The following DNAL4 variants were observed in gnomAD, a reference collection of about 807,000 sequenced individuals.
DNAL4 encodes the protein dynein light chain, outer arm 4.
Under a neutral mutation model 12.6 loss-of-function variants are expected in DNAL4, and 10 were observed. The ratio of observed to expected loss-of-function variants is 0.79; its 90% CI spans 0.49 to 1.34. The LOEUF is 1.34. Among genes scored for constraint, DNAL4 ranks in the 40% most tolerant of loss-of-function variants. DNAL4 has a pLI of 0.00. For missense variants in DNAL4, 128 were observed against 138.1 expected, an observed-to-expected ratio of 0.93 and a Z score of 0.37; for synonymous variants, 46 against 53.1, an observed-to-expected ratio of 0.87 and a Z score of 0.58.
intron 1 of DNAL4, among the ~76,000 whole-genome samples, chr22:38,791,046 A>G (rs1206671833): frequency 6.6e-6 from 1 of 151,950 alleles, no homozygotes; most frequent in African/African-American, 2.4e-5. Flanking sequence ...GCGCGCCTGT[A>G]ATCCCAGCTA....
Position 38,779,564 on chromosome 22 carries a change from G to A in DNAL4, c.203C>T (p.Ser68Phe). ...KETMDKKFGS[S>F]WHVVIGEGFG... is the part of the protein sequence containing the mutation. The stretch of plus-strand genomic sequence containing the variant: ...GCCCTCGCCGATCACCACGTGCCAG[G>A]AGGAGCCGAACTTCTTGTCCATTGT... The change falls in exon 4 of 4, where the codon TCC becomes TTC. Residue 68 changes from serine to phenylalanine, a missense_variant. Ser to Phe is a radical substitution (Grantham distance 155). Coordinates refer to ENST00000216068, the MANE Select transcript of DNAL4 (RefSeq NM_005740.3). The surrounding 1 kb of genome is among the most constrained non-coding windows in gnomAD (Gnocchi z 4.3). 1 of 1,595,106 alleles carries A rather than the reference G, an allele frequency of 6.3e-7. No individual in the cohort carries two copies. Among genetic ancestry groups the A allele is most frequent in the East Asian group, 2.3e-5 (1 of 44,114 alleles).
At position 38,782,657 on chromosome 22, in the gene DNAL4, G is replaced by A. The variant is rs531184902; in HGVS notation, c.69+6C>T. On this transcript the variant is annotated splice_donor_region_variant and intron_variant, in intron 2 of 3. Coordinates refer to ENST00000216068, the MANE Select transcript of DNAL4 (RefSeq NM_005740.3). The surrounding 1 kb of genome is among the most constrained non-coding windows in gnomAD (Gnocchi z 5.1). ...GGCAGTCCTGCCTCCCTCCCCTGGG[G>A]CTTACCCTGACCAGAGGGAAGGTCT... The A allele has an allele frequency of 6.2e-7, 1 of 1,612,912 alleles. No homozygotes were observed. The highest frequency in any genetic ancestry group is 8.5e-7 in the Non-Finnish European group (1 of 1,179,692).
intron 1 of DNAL4, among the ~76,000 whole-genome samples, chr22:38,783,427 G>A (rs550653122): frequency 6.7e-6 from 1 of 149,248 alleles, no homozygotes; most frequent in Non-Finnish European, 1.5e-5. Flanking sequence ...CTTCCCTCCT[G>A]CTACACACAT....
intron 1 of DNAL4, chr22:38,785,266 G>C (rs2093040563): frequency 6.6e-6 from 1 of 152,150 alleles, no homozygotes; most frequent in African/African-American, 2.4e-5. Flanking sequence ...CCTTTGTCCA[G>C]GTGTGACAGA....
Position 38,779,892 on chromosome 22 carries a change from C to T in DNAL4, c.154-279G>A, listed in dbSNP as rs963580068. On this transcript the variant is annotated intron_variant, in intron 3 of 3. Coordinates refer to ENST00000216068, the MANE Select transcript of DNAL4 (RefSeq NM_005740.3). This position sits in a 1 kb window ranked among gnomAD's most constrained non-coding sequence, Gnocchi z 4.3. ...CAGGTCTGGAGATAGCCTGGGGCTG[C>T]GTCCTGGCTCTGCACTTAGTGCGGG... 6.6e-6 allele frequency among the ~76,000 whole-genome samples: 1 copy of T among 152,198 alleles called. No individual in the cohort carries two copies. The highest frequency in any genetic ancestry group is 1.5e-5 in the Non-Finnish European group (1 of 68,036).
At position 38,787,295 on chromosome 22, in the gene DNAL4, G is replaced by A. The variant is rs571722932; in HGVS notation, c.-139-4425C>T. The stretch of plus-strand genomic sequence containing the variant: ...TTGCTCTTGTTGCACAGGCTGGAGT[G>A]TAGTGACGCGATCTCGGCTCACTGC... On this transcript the variant is annotated intron_variant, in intron 1 of 3. Transcript: ENST00000216068. Among the ~76,000 whole-genome samples, 12 of 150,170 alleles carry A rather than the reference G, an allele frequency of 8.0e-5. No individual in the cohort carries two copies. In the East Asian group the frequency reaches 2.2e-3, roughly 27 times the overall value.
chr22:38,779,446 G>C lies in DNAL4; in HGVS notation c.*3C>G. 6.4e-7 allele frequency: 1 copy of C among 1,565,658 alleles called. No homozygotes were observed. On this transcript the variant is annotated 3_prime_UTR_variant, in exon 4 of 4. Coordinates refer to ENST00000216068, the MANE Select transcript of DNAL4 (RefSeq NM_005740.3). This position sits in a 1 kb window ranked among gnomAD's most constrained non-coding sequence, Gnocchi z 4.3. ...TGCAGGGGACGGGGCAGGGGACAGA[G>C]TGTCAGGAGCACTTCCAGACGCACA...
intron 1 of DNAL4, among the ~76,000 whole-genome samples, chr22:38,792,684 C>A (rs2093052759): frequency 6.6e-6 from 1 of 152,234 alleles, no homozygotes; most frequent in African/African-American, 2.4e-5. Context: ...GTGTCACTAT[C>A]TTCCACTACC....
chr22:38,784,285 G>C (rs567043788), intron 1 of DNAL4, among the ~76,000 whole-genome samples: 1 of 152,270 alleles, frequency 6.6e-6, no homozygotes, highest in East Asian at 1.9e-4. Context: ...AGGCTGGTCA[G>C]TCGCTGGCCT....
chr22:38,779,485 C>A lies in DNAL4; in HGVS notation c.282G>T (p.Gly94=). The change falls in exon 4 of 4, where the codon GGG becomes GGT. Residue 94 remains glycine, a synonymous_variant. Transcript: ENST00000216068. The surrounding 1 kb of genome is among the most constrained non-coding windows in gnomAD (Gnocchi z 4.3). ...TCCAGACGCACACAGCCAGGGTGCC[C>A]CCGAAGTACAGGTAGAGGAGGTTCT... ...EVKNLLYLYF[G]GTLAVCVWKC... 1 of 1,580,076 alleles carries A rather than the reference C, an allele frequency of 6.3e-7. No individual in the cohort carries two copies. The highest frequency in any genetic ancestry group is 8.6e-7 in the Non-Finnish European group (1 of 1,162,516).
At chr22:38,791,929 G>A (rs1477514123) in intron 1 of DNAL4, among the ~76,000 whole-genome samples, 2 of 147,632 alleles carry the variant, frequency 1.4e-5, no homozygotes, top group Non-Finnish European at 3.0e-5. Context: ...GGTCTCCATC[G>A]CCTGACCTCA....
Position 38,778,734 on chromosome 22 carries a change from G to A in DNAL4, c.*715C>T, listed in dbSNP as rs1276058583. 1 of 152,744 alleles carries A rather than the reference G, an allele frequency of 6.5e-6. No homozygotes were observed. The highest frequency in any genetic ancestry group is 6.5e-5 in the Admixed American group (1 of 15,294). 9.5% of individuals were successfully genotyped at this position (152,744 alleles called of 1,614,324 possible). Reference sequence around the variant, plus strand: ...CTCGTGGTGAGAGCACTCCTGCCCAGGTGTCCCACCAGAGGCTCGGTGACC... The same window carrying A: ...CTCGTGGTGAGAGCACTCCTGCCCAAGTGTCCCACCAGAGGCTCGGTGACC... On this transcript the variant is annotated 3_prime_UTR_variant, in exon 4 of 4. Coordinates refer to ENST00000216068, the MANE Select transcript of DNAL4 (RefSeq NM_005740.3).
intron 1 of DNAL4, among the ~76,000 whole-genome samples, chr22:38,793,439 G>T (rs939127492): frequency 2.6e-5 from 4 of 152,196 alleles, no homozygotes; most frequent in Non-Finnish European, 4.4e-5. Context: ...CGCAGGGAGG[G>T]TAGGTCTTGA....
In DNAL4 at chr22:38,792,354, C is replaced by T. The variant is rs558736067; in HGVS notation, c.-140+1714G>A. Among the ~76,000 whole-genome samples, 16 of 151,496 alleles carry T rather than the reference C, an allele frequency of 1.1e-4. 1 individual carries two copies. Among genetic ancestry groups the T allele is most frequent in the East Asian group, 3.9e-4 (2 of 5,154 alleles). ...CTTGAGCGCAATGGCGCTATCTCGG[C>T]GCACTGAAACCTCCACCTCCCGGGT... On this transcript the variant is annotated intron_variant, in intron 1 of 3. Coordinates refer to ENST00000216068, the MANE Select transcript of DNAL4 (RefSeq NM_005740.3).
chr22:38,781,113 G>T, intron 2 of DNAL4, 104 bp from the exon 3 acceptor site: 2 of 1,275,550 alleles, frequency 1.6e-6, no homozygotes, highest in Non-Finnish European at 1.1e-6. Context: ...ACAGCAGGTA[G>T]CCTCCCTGGC....
chr22:38,783,045 C>G (rs1291813587), intron 1 of DNAL4, among the ~76,000 whole-genome samples, 175 bp from the exon 2 acceptor site: 2 of 152,190 alleles, frequency 1.3e-5, no homozygotes, highest in Non-Finnish European at 2.9e-5. Flanking sequence ...ATGCTGGGAC[C>G]TGGTTAAGAA....
At chr22:38,783,282 A>ACCCACGGGCC (rs2093037147) in intron 1 of DNAL4, among the ~76,000 whole-genome samples, 1 of 136,834 alleles carries the variant, frequency 7.3e-6, no homozygotes, top group African/African-American at 2.9e-5. Flanking sequence ...CTCCCACTAC[A>ACCCACGGGCC]TACACGGGCC....
At chr22:38,787,415 T>C (rs2093044158) in intron 1 of DNAL4, among the ~76,000 whole-genome samples, 1 of 152,070 alleles carries the variant, frequency 6.6e-6, no homozygotes, top group Non-Finnish European at 1.5e-5. Context: ...CTAATTTTTG[T>C]ATTTTTAGTA....
At position 38,778,831 on chromosome 22, in the gene DNAL4, G is replaced by A. The variant is rs1306408165; in HGVS notation, c.*618C>T. 2.6e-5 allele frequency: 4 copies of A among 152,486 alleles called. No homozygotes were observed. In the East Asian group the frequency reaches 7.7e-4, roughly 29 times the overall value. 9.4% of individuals were successfully genotyped at this position (152,486 alleles called of 1,614,324 possible). On this transcript the variant is annotated 3_prime_UTR_variant, in exon 4 of 4. Transcript: ENST00000216068. ...TCTCAACTGTACGGGTCGAGGAGGG[G>A]ACGGGAAAGGCTGCTTGGTCCCCAC...
Sources: allele counts gnomAD v4.1 joint callset (sites outside exome capture counted in the v4.1 genomes callset), GRCh38; gene constraint gnomAD v4.1.1; non-coding constraint Gnocchi (gnomAD v3.1); transcripts MANE v1.5; gene names NCBI Gene and HGNC (gene_info 2026-07-23, HGNC 2026-07-21).